The following ZNF787 variants were observed in gnomAD, a reference collection of about 807,000 sequenced individuals.
ZNF787 encodes zinc finger protein 787, also known as TTF-I-interacting peptide 20.
A neutral mutation model predicts 16.9 loss-of-function variants in ZNF787; 7 were observed. The ratio of observed to expected loss-of-function variants is 0.42; its 90% CI spans 0.24 to 0.78. The LOEUF is 0.78. Among genes scored for constraint, ZNF787 ranks in the 30% least tolerant of loss-of-function variants. ZNF787 has a pLI of 0.30. For missense variants in ZNF787, 551 were observed against 589.3 expected, an observed-to-expected ratio of 0.94 and a Z score of 0.67; for synonymous variants, 345 against 270.9, an observed-to-expected ratio of 1.27 and a Z score of -2.69.
At chr19:56,103,452 A>G (rs1986183215) in intron 1 of ZNF787, 1 of 429,342 alleles carries the variant, frequency 2.3e-6, no homozygotes, top group Non-Finnish European at 4.1e-6. Flanking sequence ...GGAAGGACTC[A>G]AGGACCCTCA....
chr19:56,100,317 T>TG (rs60675980), intron 2 of ZNF787, among the ~76,000 whole-genome samples: 137,319 of 152,094 alleles, frequency 0.9, 62,785 homozygotes, highest in Non-Finnish European at 0.99. Flanking sequence ...GTGCTCAGGC[T>TG]GACACCTCCT....
chr19:56,115,205 C>T (rs908022283), intron 1 of ZNF787, among the ~76,000 whole-genome samples: 8 of 152,100 alleles, frequency 5.3e-5, no homozygotes, highest in African/African-American at 1.4e-4. Context: ...CCTTCCCTCT[C>T]GTCTGAGCCG....
intron 1 of ZNF787, among the ~76,000 whole-genome samples, chr19:56,113,842 T>C (rs950129601): frequency 6.6e-6 from 1 of 152,168 alleles, no homozygotes; most frequent in Non-Finnish European, 1.5e-5. Context: ...TATTTATTTA[T>C]TTATTGAAAC....
intron 1 of ZNF787, among the ~76,000 whole-genome samples, chr19:56,106,190 TGCACAGGAGAGGGACA>T (rs1316541755): frequency 6.6e-6 from 1 of 152,232 alleles, no homozygotes; most frequent in East Asian, 1.9e-4. Context: ...CCGTGTGCTC[TGCACAGGAGAGGGACA>T]GCATCTGTTC....
intron 2 of ZNF787, among the ~76,000 whole-genome samples, chr19:56,093,025 G>T (rs887664070): frequency 6.6e-6 from 1 of 150,702 alleles, no homozygotes; most frequent in African/African-American, 2.4e-5. Context: ...GCGGAAGTGG[G>T]CTACCCCATA....
chr19:56,120,255 G>A (rs573092016), intron 1 of ZNF787, among the ~76,000 whole-genome samples: 2 of 152,242 alleles, frequency 1.3e-5, no homozygotes, highest in South Asian at 4.1e-4. Context: ...GTGTCTGTGG[G>A]TCACTTTTCT....
chr19:56,093,478 C>A (rs146710843), intron 2 of ZNF787, among the ~76,000 whole-genome samples: 1 of 152,258 alleles, frequency 6.6e-6, no homozygotes, highest in East Asian at 1.9e-4. Context: ...TCCTTCCCCT[C>A]AGTGTTTTCT....
At position 56,088,556 on chromosome 19, in the gene ZNF787, G is replaced by A; in HGVS notation, c.616C>T (p.Pro206Ser). The change falls in exon 3 of 3, where the codon CCT (proline) becomes TCT (serine). Residue 206 changes from proline (P) to serine (S), a missense_variant. Around this residue, in one of 4 missense-constraint regions of ZNF787, gnomAD observed 392 missense variants for 312.7 expected, o/e 1.25. Transcript: ENST00000610935. This position sits in a 1 kb window ranked among gnomAD's most constrained non-coding sequence, Gnocchi z 8.6. ...HLRLHPELSG[P>S]GVAAKVLAAS... is the part of the protein sequence containing the mutation. ...GCCAGCACCTTGGCCGCCACGCCAG[G>A]CCCCGACAGCTCCGGGTGCAGCCGC... The A allele has an allele frequency of 6.0e-6, 9 of 1,490,164 alleles. No homozygotes were observed. Among genetic ancestry groups the A allele is most frequent in the Non-Finnish European group, 8.0e-6 (9 of 1,128,708 alleles). 92.3% of individuals were successfully genotyped at this position (1,490,164 alleles called of 1,614,324 possible).
chr19:56,093,471 T>C (rs1273134398), intron 2 of ZNF787, among the ~76,000 whole-genome samples: 7 of 152,130 alleles, frequency 4.6e-5, no homozygotes, highest in Admixed American at 3.9e-4. Flanking sequence ...ACCGTCCTCC[T>C]TCCCCTCAGT....
chr19:56,094,930 G>A (rs1568525239), intron 2 of ZNF787, among the ~76,000 whole-genome samples: 1 of 152,094 alleles, frequency 6.6e-6, no homozygotes, highest in African/African-American at 2.4e-5. Context: ...GGCCAATGTG[G>A]TGAAACCCCA....
At position 56,117,154 on chromosome 19, in the gene ZNF787, G is replaced by A. The variant is rs116209204; in HGVS notation, c.-11+4018C>T. ...TGTGTCAAGTGCTCACCCAAAAGCC[G>A]TGGAGATGCCCAGTAAACACAGCCT... On this transcript the variant is annotated intron_variant, in intron 1 of 2. Coordinates refer to ENST00000610935, the MANE Select transcript of ZNF787 (RefSeq NM_001002836.4). 5.3e-3 allele frequency among the ~76,000 whole-genome samples: 811 copies of A among 152,290 alleles called. 7 individuals are homozygous for A. The highest frequency in any genetic ancestry group is 0.018 in the African/African-American group (745 of 41,526).
intron 1 of ZNF787, among the ~76,000 whole-genome samples, chr19:56,107,515 A>C (rs917232060): frequency 3.7e-5 from 5 of 135,556 alleles, no homozygotes; most frequent in South Asian, 2.3e-4. Flanking sequence ...CTGTGAGACA[A>C]TGGGGTCACT....
At chr19:56,105,260 G>A (rs990825712) in intron 1 of ZNF787, among the ~76,000 whole-genome samples, 1 of 152,284 alleles carries the variant, frequency 6.6e-6, no homozygotes, top group African/African-American at 2.4e-5. Context: ...GATCAGGGAA[G>A]GGCAGGGCCG....
rs781152338 is a variant in ZNF787, at chr19:56,088,030, C to G, written c.1142G>C (p.Gly381Ala). The change falls in exon 3 of 3, where the codon GGC (glycine) becomes GCC (alanine). Residue 381 changes from glycine (G) to alanine (A), a missense_variant. Around this residue, in one of 4 missense-constraint regions of ZNF787, gnomAD observed 392 missense variants for 312.7 expected, o/e 1.25. Transcript: ENST00000610935. This position sits in a 1 kb window ranked among gnomAD's most constrained non-coding sequence, Gnocchi z 8.6. ...GRCPECRGGEGR is the reference protein window; with the variant it reads ...GRCPECRGGEAR ...CCCCCCCGGGCCCCTCCCCTACCGG[C>G]CCTCCCCACCGCGGCACTCGGGGCA... 6.3e-6 allele frequency: 8 copies of G among 1,260,066 alleles called. No homozygotes were observed. In the South Asian group the frequency reaches 1.9e-4, roughly 31 times the overall value. 78.1% of individuals were successfully genotyped at this position (1,260,066 alleles called of 1,614,324 possible). A position where few individuals can be genotyped will look rare whatever the true frequency, so the allele number is the denominator to read the frequency against.
intron 1 of ZNF787, among the ~76,000 whole-genome samples, chr19:56,117,928 T>C (rs1599963000): frequency 6.6e-6 from 1 of 152,218 alleles, no homozygotes. Context: ...GGGGGCCAGA[T>C]GGGACCCCCA....
At chr19:56,100,454 C>T (rs188556105) in intron 2 of ZNF787, among the ~76,000 whole-genome samples, 167 of 152,160 alleles carry the variant, frequency 1.1e-3, no homozygotes, top group African/African-American at 3.8e-3. Flanking sequence ...ACGCTAATTC[C>T]GCAGAAGAGG....
rs952916177 is a variant in ZNF787, at chr19:56,087,837, G to A, written c.*186C>T. On this transcript the variant is annotated 3_prime_UTR_variant, in exon 3 of 3. Coordinates refer to ENST00000610935, the MANE Select transcript of ZNF787 (RefSeq NM_001002836.4). ...GGGCAGAGTCTCGAGGCGGAGAAGT[G>A]AACGGGCCCTAATACGCCCCAGTGC... The A allele has an allele frequency of 2.1e-6, 2 of 966,584 alleles. No homozygotes were observed. The highest frequency in any genetic ancestry group is 2.7e-6 in the Non-Finnish European group (2 of 746,328). 59.9% of individuals were successfully genotyped at this position (966,584 alleles called of 1,614,324 possible).
intron 2 of ZNF787, among the ~76,000 whole-genome samples, chr19:56,095,271 G>T (rs1985829229): frequency 1.3e-5 from 2 of 152,332 alleles, no homozygotes; most frequent in Middle Eastern, 3.4e-3. Flanking sequence ...GTGTGGCCCA[G>T]TTCCTAACAG....
intron 2 of ZNF787, among the ~76,000 whole-genome samples, chr19:56,098,317 C>T (rs1568526873): frequency 6.6e-6 from 1 of 152,248 alleles, no homozygotes; most frequent in Non-Finnish European, 1.5e-5. Flanking sequence ...GACCCACCTG[C>T]CCTGGCCAGT....
Sources: allele counts gnomAD v4.1 joint callset (sites outside exome capture counted in the v4.1 genomes callset), GRCh38; gene constraint gnomAD v4.1.1; regional missense constraint gnomAD v4.1.1; non-coding constraint Gnocchi (gnomAD v3.1); transcripts MANE v1.5; gene names NCBI Gene and HGNC (gene_info 2026-07-23, HGNC 2026-07-21).